Variants in SERP1 observed in about 807,000 individuals in gnomAD.
The protein encoded by SERP1 is stress associated endoplasmic reticulum protein 1, also known as stress-associated endoplasmic reticulum protein 1.
A neutral mutation model predicts 8.8 loss-of-function variants in SERP1; 6 were observed. The observed-to-expected ratio is 0.68, with a 90% CI of 0.37 to 1.35. SERP1 has a LOEUF of 1.35. Among genes scored for constraint, SERP1 ranks in the 40% most tolerant of loss-of-function variants. SERP1 has a pLI of 0.02. For missense variants in SERP1, 52 were observed against 86.2 expected (o/e 0.60, Z 1.57); for synonymous variants, 36 against 28.7 (o/e 1.25, Z -0.81).
At position 150,542,349 on chromosome 3, in the gene SERP1, T is replaced by C. The variant is rs941055097; in HGVS notation, c.*2109A>G. ...AAAATATTCAAATCATTGTGCTTTCTATATATTTTTCTTACCACCTATTTC... is the reference window on the plus strand; with the variant it reads ...AAAATATTCAAATCATTGTGCTTTCCATATATTTTTCTTACCACCTATTTC... On this transcript the variant is annotated 3_prime_UTR_variant, in exon 3 of 3. Transcript: ENST00000239944. The C allele has an allele frequency of 5.3e-5, 8 of 152,266 alleles. No individual in the cohort carries two copies. Among genetic ancestry groups the C allele is most frequent in the African/African-American group, 1.9e-4 (8 of 41,480 alleles). 9.4% of individuals were successfully genotyped at this position (152,266 alleles called of 1,614,324 possible). A position where few individuals can be genotyped will look rare whatever the true frequency, so the allele number is the denominator to read the frequency against.
rs373638210 is a variant in SERP1, at chr3:150,546,164, AC to A, written c.-30del. On this transcript the variant is annotated 5_prime_UTR_variant, in exon 1 of 3. Transcript: ENST00000239944. Reference sequence around the variant, plus strand: ...CGCGGCGCCACCACCTGCCCCGGCCACCCCTCGGACTCGCTCACTCGCCTGC... The same window carrying A: ...CGCGGCGCCACCACCTGCCCCGGCCACCCTCGGACTCGCTCACTCGCCTGC... 5 of 1,609,200 alleles carry A rather than the reference AC, an allele frequency of 3.1e-6. No homozygotes were observed. Among genetic ancestry groups the A allele is most frequent in the Non-Finnish European group, 4.2e-6 (5 of 1,178,564 alleles).
At chr3:150,545,429 G>C (rs1722965477) in intron 2 of SERP1, 1 of 470,106 alleles carries the variant, frequency 2.1e-6, no homozygotes, top group African/African-American at 2.0e-5. Flanking sequence ...GTTTTGTCCG[G>C]TCTTAACATT....
rs568681701 is a variant in SERP1 at position 150,544,629 on chromosome 3, A to G, written c.161-131T>C. 8 of 644,072 alleles carry G rather than the reference A, an allele frequency of 1.2e-5. No individual in the cohort carries two copies. The Admixed American group carries it at 2.4e-4, about 19-fold the overall frequency. 39.9% of individuals were successfully genotyped at this position (644,072 alleles called of 1,614,324 possible). A position where few individuals can be genotyped will look rare whatever the true frequency, so the allele number is the denominator to read the frequency against. Reference sequence around the variant, plus strand: ...TTTGCAAATGGTACATAACTTCAGTATAATAAGAAGTGAAGACAGGCCTGT... The same window carrying G: ...TTTGCAAATGGTACATAACTTCAGTGTAATAAGAAGTGAAGACAGGCCTGT... On this transcript the variant is annotated intron_variant, in intron 2 of 2. Transcript: ENST00000239944.
chr3:150,543,997 A>T lies in SERP1; in HGVS notation c.*461T>A, dbSNP rs1191973985. ...TATTACAGGACAGTTACATGAACCT[A>T]TAAGGGAGTGTGCTTTCAGTTCAAA... is the stretch of plus-strand genomic sequence containing the variant. On this transcript the variant is annotated 3_prime_UTR_variant, in exon 3 of 3. Transcript: ENST00000239944. 1 of 154,448 alleles carries T rather than the reference A, an allele frequency of 6.5e-6. No individual in the cohort carries two copies. The highest frequency in any genetic ancestry group is 1.4e-5 in the Non-Finnish European group (1 of 69,330). 9.6% of individuals were successfully genotyped at this position (154,448 alleles called of 1,614,324 possible).
rs1159200864 is a variant in SERP1, at chr3:150,546,057, T to A, written c.79A>T (p.Thr27Ser). The A allele has an allele frequency of 1.9e-6, 3 of 1,613,578 alleles. No homozygotes were observed. The African/African-American group carries it at 4.0e-5, about 22-fold the overall frequency. The change falls in exon 1 of 3, where the codon ACC becomes TCC. Residue 27 changes from threonine (T) to serine (S), a missense_variant. Transcript: ENST00000239944. ...NITQRGNVAK[T>S]SRNAPEEKAS... ...GGCGCCCGCTCTTTCCTTACCGAGGTCTTGGCGACGTTGCCGCGCTGGGTG... is the reference window on the plus strand; with the variant it reads ...GGCGCCCGCTCTTTCCTTACCGAGGACTTGGCGACGTTGCCGCGCTGGGTG...
In SERP1 at chr3:150,546,468, C is replaced by T. The variant is rs1723028039; in HGVS notation, c.-333G>A. 4 of 557,822 alleles carry T rather than the reference C, an allele frequency of 7.2e-6. No homozygotes were observed. The highest frequency in any genetic ancestry group is 1.3e-5 in the Non-Finnish European group (4 of 316,802). 34.6% of individuals were successfully genotyped at this position (557,822 alleles called of 1,614,324 possible). ...AGAGGAAGGAAACGCAACGCAACAA[C>T]GGGAATGTGCAGCCCGCCGCCTCGA... On this transcript the variant is annotated 5_prime_UTR_variant, in exon 1 of 3. Transcript: ENST00000239944.
At position 150,544,443 on chromosome 3, in the gene SERP1, T is replaced by G. The variant is rs1374042153; in HGVS notation, c.*15A>C. The stretch of plus-strand genomic sequence containing the variant: ...AAATTCACAGGAGAATGGAAACATC[T>G]TAAGGTCAGTCACTTCACATGCCCA... On this transcript the variant is annotated 3_prime_UTR_variant, in exon 3 of 3. Transcript: ENST00000239944. 15 of 1,611,034 alleles carry G rather than the reference T, an allele frequency of 9.3e-6. No individual in the cohort carries two copies. Among genetic ancestry groups the G allele is most frequent in the Non-Finnish European group, 1.2e-5 (14 of 1,177,502 alleles).
chr3:150,544,599 T>C (rs1722939471), intron 2 of SERP1, 101 bp from the exon 3 acceptor site: 3 of 896,232 alleles, frequency 3.3e-6, no homozygotes, highest in Middle Eastern at 2.6e-4. Flanking sequence ...AAAGGTACTC[T>C]TACATTTGCA....
rs1417869361 is a variant in SERP1 at position 150,546,415 on chromosome 3, T to G, written c.-280A>C. The G allele has an allele frequency of 7.3e-6, 4 of 551,512 alleles. No homozygotes were observed. The highest frequency in any genetic ancestry group is 2.0e-5 in the African/African-American group (1 of 50,646). The allele number at this position is 551,512 out of a possible 1,614,324, so 34.2% of individuals were successfully genotyped here. On this transcript the variant is annotated 5_prime_UTR_variant, in exon 1 of 3. Transcript: ENST00000239944. ...TTCTCGCGCCGCCGTCGCCGCCGCT[T>G]TGGCCGCCGCCGTGAGCGCGGAGTG...
rs1723029898 is a variant in SERP1, at chr3:150,546,487, G to A, written c.-352C>T. On this transcript the variant is annotated 5_prime_UTR_variant, in exon 1 of 3. Coordinates refer to ENST00000239944, the MANE Select transcript of SERP1 (RefSeq NM_014445.4). Reference sequence around the variant, plus strand: ...CAACAACGGGAATGTGCAGCCCGCCGCCTCGATCTACTTTGGGTTCGGCTG... The same window carrying A: ...CAACAACGGGAATGTGCAGCCCGCCACCTCGATCTACTTTGGGTTCGGCTG... The A allele has an allele frequency of 7.0e-6, 4 of 571,186 alleles. No individual in the cohort carries two copies. The highest frequency in any genetic ancestry group is 1.2e-5 in the Non-Finnish European group (4 of 321,560). 35.4% of individuals were successfully genotyped at this position (571,186 alleles called of 1,614,324 possible).
chr3:150,546,387 T>A lies in SERP1; in HGVS notation c.-252A>T, dbSNP rs1723024971. The A allele has an allele frequency of 3.6e-6, 2 of 561,518 alleles. No individual in the cohort carries two copies. The highest frequency in any genetic ancestry group is 6.2e-5 in the East Asian group (2 of 32,362). The allele number at this position is 561,518 out of a possible 1,614,324, so 34.8% of individuals were successfully genotyped here. A position where few individuals can be genotyped will look rare whatever the true frequency, so the allele number is the denominator to read the frequency against. ...AGGAGGAAGAGAACTGGCCGCCGGG[T>A]CGTTCTCGCGCCGCCGTCGCCGCCG... On this transcript the variant is annotated 5_prime_UTR_variant, in exon 1 of 3. Coordinates refer to ENST00000239944, the MANE Select transcript of SERP1 (RefSeq NM_014445.4).
rs1420186740 is a variant in SERP1 at position 150,542,876 on chromosome 3, G to A, written c.*1582C>T. 1 of 152,536 alleles carries A rather than the reference G, an allele frequency of 6.6e-6. No homozygotes were observed. The highest frequency in any genetic ancestry group is 1.5e-5 in the Non-Finnish European group (1 of 67,994). 9.4% of individuals were successfully genotyped at this position (152,536 alleles called of 1,614,324 possible). ...TTAACCAAGACACTTGTTTCAAAAA[G>A]GGAAACAAGTACAGAGACTGATTAA... On this transcript the variant is annotated 3_prime_UTR_variant, in exon 3 of 3. Transcript: ENST00000239944.
At chr3:150,544,614 G>T in intron 2 of SERP1, 116 bp from the exon 3 acceptor site, 1 of 725,730 alleles carries the variant, frequency 1.4e-6, no homozygotes, top group Non-Finnish European at 2.3e-6. Context: ...TTTGCAAATG[G>T]TACATAACTT....
In SERP1 at chr3:150,546,345, G is replaced by C. The variant is rs1209827239; in HGVS notation, c.-210C>G. ...GGCGCCGGCCGCCGACTGACTGACC[G>C]AGCGGGGCAGGTGCGCAGGAGGAAG... On this transcript the variant is annotated 5_prime_UTR_variant, in exon 1 of 3. Coordinates refer to ENST00000239944, the MANE Select transcript of SERP1 (RefSeq NM_014445.4). 8.4e-6 allele frequency: 5 copies of C among 596,668 alleles called. No homozygotes were observed. The highest frequency in any genetic ancestry group is 1.4e-5 in the Non-Finnish European group (5 of 348,722). 37.0% of individuals were successfully genotyped at this position (596,668 alleles called of 1,614,324 possible).
rs1722913057 is a variant in SERP1 at position 150,543,289 on chromosome 3, C to A, written c.*1169G>T. The A allele has an allele frequency of 6.6e-6, 1 of 152,428 alleles. No individual in the cohort carries two copies. Among genetic ancestry groups the A allele is most frequent in the African/African-American group, 2.4e-5 (1 of 41,370 alleles). 9.4% of individuals were successfully genotyped at this position (152,428 alleles called of 1,614,324 possible). ...CAGTACTAGAAAACCCAAAACCTGCCCTATGACCCTCACCCTTACCATTAG... is the reference window on the plus strand; with the variant it reads ...CAGTACTAGAAAACCCAAAACCTGCACTATGACCCTCACCCTTACCATTAG... On this transcript the variant is annotated 3_prime_UTR_variant, in exon 3 of 3. Coordinates refer to ENST00000239944, the MANE Select transcript of SERP1 (RefSeq NM_014445.4).
In SERP1 at chr3:150,544,421, T is replaced by C; in HGVS notation, c.*37A>G. ...CATCAGGAATGAGTTCAAGTTAAAATTCACAGGAGAATGGAAACATCTTAA... is the reference window on the plus strand; with the variant it reads ...CATCAGGAATGAGTTCAAGTTAAAACTCACAGGAGAATGGAAACATCTTAA... On this transcript the variant is annotated 3_prime_UTR_variant, in exon 3 of 3. Transcript: ENST00000239944. 1 of 1,592,304 alleles carries C rather than the reference T, an allele frequency of 6.3e-7. No individual in the cohort carries two copies. Among genetic ancestry groups the C allele is most frequent in the Non-Finnish European group, 8.6e-7 (1 of 1,160,646 alleles).
At chr3:150,545,908 C>T in intron 1 of SERP1, 130 bp from the exon 2 acceptor site, 1 of 1,367,616 alleles carries the variant, frequency 7.3e-7, no homozygotes, top group Non-Finnish European at 1.0e-6. Flanking sequence ...CCCCCACAGT[C>T]TGGCGGTTCG....
intron 2 of SERP1, 86 bp downstream of exon 2, chr3:150,545,617 T>C (rs868140830): frequency 2.4e-6 from 3 of 1,262,732 alleles, no homozygotes; most frequent in Admixed American, 4.0e-5. Context: ...ACTACGCAGG[T>C]AGGACTCACT....
rs147209818 is a variant in SERP1 at position 150,544,464 on chromosome 3, G to T, written c.195C>A (p.Gly65=). Residue 65 remains glycine (G), a synonymous_variant, in exon 3 of 3, where the codon GGC becomes GGA. Transcript: ENST00000239944. ...IFQIIQSIRM[G]M is the part of the protein sequence containing the mutation. Reference sequence around the variant, plus strand: ...CATCTTAAGGTCAGTCACTTCACATGCCCATCCTGATACTTTGAATAATCT... The same window carrying T: ...CATCTTAAGGTCAGTCACTTCACATTCCCATCCTGATACTTTGAATAATCT... 364 of 1,612,746 alleles carry T rather than the reference G, an allele frequency of 2.3e-4. 1 individual carries two copies. The African/African-American group carries it at 4.1e-3, about 18-fold the overall frequency.
Sources: allele counts gnomAD v4.1 joint callset, GRCh38; gene constraint gnomAD v4.1.1; transcripts MANE v1.5; gene names NCBI Gene and HGNC (gene_info 2026-07-23, HGNC 2026-07-21).